CCR5AS: variants seen among roughly 807,000 people sequenced by gnomAD.
The protein encoded by CCR5AS is CCR5 antisense RNA.
intron 1 of CCR5AS, among the ~76,000 whole-genome samples, chr3:46,396,636 C>G (rs980886601): frequency 1.3e-5 from 2 of 152,216 alleles, no homozygotes; most frequent in African/African-American, 4.8e-5. Flanking sequence ...GCAATGCCCC[C>G]TTCCCAGGGA....
intron 3 of CCR5AS, among the ~76,000 whole-genome samples, chr3:46,369,536 G>A (rs1289551092): frequency 6.6e-6 from 1 of 152,114 alleles, no homozygotes; most frequent in African/African-American, 2.4e-5. Flanking sequence ...CCAGCAATTA[G>A]CTTTACCTTT....
intron 1 of CCR5AS, among the ~76,000 whole-genome samples, chr3:46,397,178 G>T (rs1026019190): frequency 6.6e-6 from 1 of 151,914 alleles, no homozygotes. Context: ...GCCAGGCCGG[G>T]TGCTCTTGGG....
At chr3:46,382,123 G>C (rs531467842) in intron 2 of CCR5AS, among the ~76,000 whole-genome samples, 1 of 152,214 alleles carries the variant, frequency 6.6e-6, no homozygotes, top group African/African-American at 2.4e-5. Context: ...TGTGCCAATA[G>C]GAAAAGGCTA....
At chr3:46,377,828 C>T (rs761191795) in intron 2 of CCR5AS, among the ~76,000 whole-genome samples, 7 of 152,084 alleles carry the variant, frequency 4.6e-5, no homozygotes, top group African/African-American at 7.2e-5. Context: ...GCCTCAGCCT[C>T]CTGAGTAGCT....
At chr3:46,392,536 T>C (rs1701922282) in intron 2 of CCR5AS, among the ~76,000 whole-genome samples, 1 of 152,126 alleles carries the variant, frequency 6.6e-6, no homozygotes, top group South Asian at 2.1e-4. Context: ...TCCCAGCAAT[T>C]GACTTACCAC....
intron 3 of CCR5AS, among the ~76,000 whole-genome samples, chr3:46,367,810 T>A (rs41429449): frequency 0.019 from 2,864 of 152,292 alleles, 83 homozygotes; most frequent in African/African-American, 0.066. Flanking sequence ...GACCTCAAGT[T>A]ATCCACTCGC....
chr3:46,393,473 A>AG (rs1323943505), intron 1 of CCR5AS, among the ~76,000 whole-genome samples: 4 of 150,838 alleles, frequency 2.7e-5, no homozygotes, highest in Admixed American at 2.6e-4. Flanking sequence ...AAAAAAAAGA[A>AG]AAGAAAAGAA....
rs543562830 is a variant in CCR5AS at position 46,397,445 on chromosome 3, C to T, written n.164-4393G>A. ...GGTGAGTTTAATGAAGGATTCTATA[C>T]AAAAATTTGGACAAGGTATAGGGAG... On this transcript the variant is annotated intron_variant and non_coding_transcript_variant, in intron 1 of 3. Coordinates refer to ENST00000451485, the Ensembl canonical transcript of CCR5AS. Among the ~76,000 whole-genome samples, 8 of 152,288 alleles carry T rather than the reference C, an allele frequency of 5.3e-5. No homozygotes were observed. The South Asian group carries it at 1.2e-3, about 24-fold the overall frequency.
At chr3:46,393,882 C>A (rs1701937356) in intron 1 of CCR5AS, among the ~76,000 whole-genome samples, 1 of 152,178 alleles carries the variant, frequency 6.6e-6, no homozygotes, top group South Asian at 2.1e-4. Context: ...CAAATGAAAC[C>A]ATTTTATAAC....
intron 1 of CCR5AS, among the ~76,000 whole-genome samples, chr3:46,397,479 A>G (rs1701970795): frequency 6.6e-6 from 1 of 152,224 alleles, no homozygotes; most frequent in Non-Finnish European, 1.5e-5. Context: ...AGGCCACAAT[A>G]CACAGTGCAG....
chr3:46,383,831 A>G (rs1342952224), intron 2 of CCR5AS, among the ~76,000 whole-genome samples: 1 of 152,244 alleles, frequency 6.6e-6, no homozygotes, highest in Non-Finnish European at 1.5e-5. Context: ...TGATTCAGCA[A>G]ACATTGAAGG....
intron 2 of CCR5AS, chr3:46,372,937 T>C (rs781613165): frequency 1.9e-6 from 3 of 1,604,746 alleles, no homozygotes; most frequent in Admixed American, 3.4e-5. Context: ...ATCTATGACA[T>C]CAATTATTAT....
chr3:46,372,916 T>G (rs766432600), intron 2 of CCR5AS: 3 of 1,587,538 alleles, frequency 1.9e-6, no homozygotes, highest in East Asian at 4.5e-5. Context: ...GATTATCAAG[T>G]GTCAAGTCCA....
rs1024470544 is a variant in CCR5AS, at chr3:46,405,874, T to C, written n.163+1023A>G. On this transcript the variant is annotated intron_variant and non_coding_transcript_variant, in intron 1 of 3. Coordinates refer to ENST00000451485, the Ensembl canonical transcript of CCR5AS. ...TCCTCTCCCCGCCCCTCCTCCTCCT[T>C]CTTCTTTTTTTTTTCCAGAGACAGT... is the stretch of plus-strand genomic sequence containing the variant. Among the ~76,000 whole-genome samples the C allele has an allele frequency of 6.0e-5, 9 of 151,096 alleles. No individual in the cohort carries two copies. The South Asian group carries it at 8.4e-4, about 14-fold the overall frequency.
In CCR5AS at chr3:46,393,649, C is replaced by T. The variant is rs552041262; in HGVS notation, n.164-597G>A. On this transcript the variant is annotated intron_variant and non_coding_transcript_variant, in intron 1 of 3. Transcript: ENST00000451485. ...TATGCTGGTGCTAGGGTTACAACAG[C>T]GCACAAATTCTTGTATTCAAGGAAT... Among the ~76,000 whole-genome samples, 15 of 152,192 alleles carry T rather than the reference C, an allele frequency of 9.9e-5. No homozygotes were observed. The South Asian group carries it at 1.5e-3, about 15-fold the overall frequency.
intron 2 of CCR5AS, among the ~76,000 whole-genome samples, chr3:46,391,269 T>C (rs1701911207): frequency 6.6e-6 from 1 of 152,200 alleles, no homozygotes; most frequent in Admixed American, 6.5e-5. Flanking sequence ...AGTTCTTGTG[T>C]GCTGGAGATG....
intron 3 of CCR5AS, among the ~76,000 whole-genome samples, chr3:46,370,039 A>T (rs186785168): frequency 1.3e-5 from 2 of 152,270 alleles, no homozygotes; most frequent in African/African-American, 4.8e-5. Context: ...AGATTTTCAG[A>T]TGTCACCAAC....
exon 3 of CCR5AS, chr3:46,371,287 T>G (rs1701656778): frequency 6.6e-6 from 1 of 152,200 alleles, no homozygotes; most frequent in Non-Finnish European, 1.5e-5. Context: ...TTAGCTGAAA[T>G]CTTGAAATCT....
chr3:46,373,822 A>G, intron 2 of CCR5AS: 1 of 1,613,980 alleles, frequency 6.2e-7, no homozygotes, highest in African/African-American at 1.3e-5. Context: ...TTCAGAAACT[A>G]CCTCTTAGTC....
Sources: gnomAD v4.1 joint callset for allele counts (sites outside exome capture counted in the v4.1 genomes callset) on GRCh38, gnomAD v4.1.1 for gene constraint, MANE v1.5 for transcripts, NCBI Gene and HGNC (gene_info 2026-07-23, HGNC 2026-07-21) for gene names.